The following TEC variants were observed in gnomAD, a reference collection of about 807,000 sequenced individuals.
TEC encodes tec protein tyrosine kinase.
A neutral mutation model predicts 93.0 loss-of-function variants in TEC; 72 were observed. That is an observed-to-expected ratio of 0.77 (90% confidence interval 0.64 to 0.94). The LOEUF is 0.94. Among genes scored for constraint, TEC ranks in the 40% least tolerant of loss-of-function variants. TEC has a pLI of 0.00. For missense variants in TEC, 630 were observed against 757.9 expected (o/e 0.83, Z 1.98); for synonymous variants, 249 against 247.7 (o/e 1.01, Z -0.05).
At chr4:48,178,255 C>T (rs922932047) in intron 2 of TEC, among the ~76,000 whole-genome samples, 7 of 152,252 alleles carry the variant, frequency 4.6e-5, no homozygotes, top group East Asian at 1.9e-4. Context: ...CCCTTTGCCT[C>T]GGTGGACTCA....
rs776583828 is a variant in TEC at position 48,137,503 on chromosome 4, C to A, written c.1813-4G>T. ...AAGAAGGCCTTCCCTCTGGTTTCTACAATTAAAAGTCAAAGAGAAGCTGTG... is the reference window on the plus strand; with the variant it reads ...AAGAAGGCCTTCCCTCTGGTTTCTAAAATTAAAAGTCAAAGAGAAGCTGTG... On this transcript the variant is annotated splice_region_variant and splice_polypyrimidine_tract_variant and intron_variant, in intron 17 of 17. Transcript: ENST00000381501. The A allele has an allele frequency of 1.1e-5, 17 of 1,613,582 alleles. No homozygotes were observed. The highest frequency in any genetic ancestry group is 1.4e-5 in the Non-Finnish European group (17 of 1,179,706).
chr4:48,189,721 C>T (rs150400890), intron 2 of TEC, among the ~76,000 whole-genome samples: 62 of 152,304 alleles, frequency 4.1e-4, no homozygotes, highest in South Asian at 1.9e-3. Context: ...TGGAAATATA[C>T]TAAATCATAG....
At chr4:48,250,873 C>A (rs1380016632) in intron 1 of TEC, among the ~76,000 whole-genome samples, 1 of 152,122 alleles carries the variant, frequency 6.6e-6, no homozygotes, top group Non-Finnish European at 1.5e-5. Context: ...TACTCATGAG[C>A]AAAAATAAAT....
intron 2 of TEC, among the ~76,000 whole-genome samples, chr4:48,187,212 T>C (rs1172615122): frequency 6.6e-6 from 1 of 152,160 alleles, no homozygotes; most frequent in Non-Finnish European, 1.5e-5. Context: ...TGTGCTTTGT[T>C]AAACAGATGC....
In TEC at chr4:48,238,443, G is replaced by A. The variant is rs1723841258; in HGVS notation, c.-45-9784C>T. The stretch of plus-strand genomic sequence containing the variant: ...TCTTTCACTATCAATAGCATCTAAA[G>A]AGAGGATAAGAGAAGTCCTCTTAGG... On this transcript the variant is annotated intron_variant, in intron 1 of 17. Transcript: ENST00000381501. Among the ~76,000 whole-genome samples, 4 of 152,220 alleles carry A rather than the reference G, an allele frequency of 2.6e-5. No individual in the cohort carries two copies. In the South Asian group the frequency reaches 6.2e-4, roughly 24 times the overall value.
intron 2 of TEC, among the ~76,000 whole-genome samples, chr4:48,227,470 C>A (rs1284555407): frequency 6.6e-6 from 1 of 151,834 alleles, no homozygotes; most frequent in African/African-American, 2.4e-5. Flanking sequence ...TGGTGAAACC[C>A]CATCTCTACT....
At chr4:48,174,369 T>A (rs1721236325) in intron 3 of TEC, among the ~76,000 whole-genome samples, 1 of 152,030 alleles carries the variant, frequency 6.6e-6, no homozygotes, top group African/African-American at 2.4e-5. Context: ...ATCAAAGCTG[T>A]GGTAGGAGGC....
intron 1 of TEC, among the ~76,000 whole-genome samples, chr4:48,253,609 T>C (rs547519157): frequency 1.3e-5 from 2 of 150,076 alleles, no homozygotes; most frequent in African/African-American, 4.9e-5. Context: ...TCTCGCTCTG[T>C]TGCCCAGGCT....
At chr4:48,142,765 C>T (rs1007913235) in intron 14 of TEC, among the ~76,000 whole-genome samples, 20 of 152,058 alleles carry the variant, frequency 1.3e-4, no homozygotes, top group African/African-American at 1.9e-4. Flanking sequence ...ACTGCAACCT[C>T]CACCTCCTGG....
At chr4:48,234,517 A>G (rs2704406) in intron 1 of TEC, among the ~76,000 whole-genome samples, 66,617 of 152,066 alleles carry the variant, frequency 0.44, 16,376 homozygotes, top group African/African-American at 0.67. Context: ...TCTTCTAGGA[A>G]ACAAAACTGA....
At chr4:48,212,110 A>AAAAAAAAAAAAATATATATAT in intron 2 of TEC, among the ~76,000 whole-genome samples, 1 of 122,266 alleles carries the variant, frequency 8.2e-6, no homozygotes, top group African/African-American at 3.0e-5. Flanking sequence ...AAAAAAAAAA[A>AAAAAAAAAAAAATATATATAT]ATATATATAT....
At chr4:48,141,506 G>A in intron 14 of TEC, 87 bp from the exon 15 acceptor site, 1 of 1,306,380 alleles carries the variant, frequency 7.7e-7, no homozygotes. Context: ...ATTAAATTTA[G>A]TGTAACCTAG....
Position 48,228,599 on chromosome 4 carries a change from T to C in TEC, c.16A>G (p.Ile6Val), listed in dbSNP as rs1304801555. The change falls in exon 2 of 18, where the codon ATT (isoleucine) becomes GTT (valine). Residue 6 changes from isoleucine to valine, a missense_variant. By Grantham distance (29) the Ile-to-Val change is conservative. Coordinates refer to ENST00000381501, the MANE Select transcript of TEC (RefSeq NM_003215.3). MNFNT[I>V]LEEILIKRSQ... The stretch of plus-strand genomic sequence containing the variant: ...CTTTTAATAAGAATCTCCTCCAAAA[T>C]AGTGTTAAAATTCATCTCCGTCTTC... 6 of 1,613,260 alleles carry C rather than the reference T, an allele frequency of 3.7e-6. No homozygotes were observed. In the Admixed American group the frequency reaches 6.7e-5, roughly 18 times the overall value.
chr4:48,141,906 G>C (rs1314222769), intron 14 of TEC, among the ~76,000 whole-genome samples: 1 of 151,726 alleles, frequency 6.6e-6, no homozygotes, highest in Non-Finnish European at 1.5e-5. Context: ...CATCTGCCTC[G>C]GCCTCCCCCA....
chr4:48,263,130 C>T (rs115790093), intron 1 of TEC, among the ~76,000 whole-genome samples: 150 of 152,280 alleles, frequency 9.9e-4, no homozygotes, highest in Non-Finnish European at 2.0e-3. Flanking sequence ...CCACAAACGG[C>T]AGGGTACATC....
intron 11 of TEC, 113 bp downstream of exon 11, chr4:48,149,444 C>T: frequency 1.3e-5 from 14 of 1,075,348 alleles, no homozygotes; most frequent in South Asian, 4.4e-5. Context: ...TAAAATCAAC[C>T]ACATTCTACA....
chr4:48,216,784 A>C (rs1040023744), intron 2 of TEC, among the ~76,000 whole-genome samples: 1 of 152,236 alleles, frequency 6.6e-6, no homozygotes, highest in African/African-American at 2.4e-5. Flanking sequence ...TTTTATGACT[A>C]AATTAAATTA....
At chr4:48,228,410 G>T in intron 2 of TEC, 67 bp downstream of exon 2, 1 of 1,446,910 alleles carries the variant, frequency 6.9e-7, no homozygotes, top group Non-Finnish European at 9.1e-7. Context: ...AGATTGGAGA[G>T]GCAGGCAATA....
At chr4:48,201,771 C>T (rs1456777770) in intron 2 of TEC, among the ~76,000 whole-genome samples, 1 of 151,970 alleles carries the variant, frequency 6.6e-6, no homozygotes, top group Non-Finnish European at 1.5e-5. Flanking sequence ...TTCCAGCCTC[C>T]ACCTGGAGAG....
Sources: gnomAD v4.1 joint callset for allele counts (sites outside exome capture counted in the v4.1 genomes callset) on GRCh38, gnomAD v4.1.1 for gene constraint, MANE v1.5 for transcripts, NCBI Gene and HGNC (gene_info 2026-07-23, HGNC 2026-07-21) for gene names.